The following MUC12 variants were observed in gnomAD, a reference collection of about 807,000 sequenced individuals.
MUC12 encodes the protein mucin 12, cell surface associated.
A neutral mutation model predicts 230.8 loss-of-function variants in MUC12; 172 were observed. The observed-to-expected ratio is 0.75, with a 90% CI of 0.66 to 0.85. The LOEUF (loss-of-function observed/expected upper bound fraction) is 0.85, where lower values mean the gene tolerates loss of function less well. Ranked by LOEUF, MUC12 falls within the 40% of genes least tolerant of loss-of-function variation. MUC12 has a pLI of 0.00. For synonymous variants in MUC12, 1,259 were observed against 2,401.9 expected (o/e 0.52, Z 13.91); for missense variants, 3,506 against 5,920.6 (o/e 0.59, Z 13.38).
chr7:100,972,299 T>C (rs75806374), intron 1 of MUC12: 42,566 of 676,508 alleles, frequency 0.063, 161 homozygotes, highest in Admixed American at 0.19. Flanking sequence ...TGGATTTGTG[T>C]CCTGCGCCCC....
chr7:100,992,434 C>A lies in MUC12; in HGVS notation c.1871C>A (p.Ser624Tyr), dbSNP rs1268347263. 7.2e-6 allele frequency: 11 copies of A among 1,537,886 alleles called. No homozygotes were observed. Among genetic ancestry groups the A allele is most frequent in the South Asian group, 1.2e-5 (1 of 84,072 alleles). ...CACACAACACTGTCCCCTGCCGGCT[C>A]TACAACCCGTCAGGGAGAATCTACC... ...SPHTTLSPAG[S>Y]TTRQGESTTF... Residue 624 changes from serine (S) to tyrosine (Y), a missense_variant, in exon 2 of 12, where the codon TCT (serine) becomes TAT (tyrosine). Coordinates refer to ENST00000536621, the MANE Select transcript of MUC12 (RefSeq NM_001164462.2).
At chr7:100,973,912 G>C (rs1792965880) in intron 1 of MUC12, among the ~76,000 whole-genome samples, 1 of 152,076 alleles carries the variant, frequency 6.6e-6, no homozygotes, top group Non-Finnish European at 1.5e-5. Context: ...CAGCACCTTG[G>C]GAGGCCAAGG....
intron 1 of MUC12, 105 bp from the exon 2 acceptor site, chr7:100,990,526 C>T: frequency 1.5e-6 from 2 of 1,370,936 alleles, no homozygotes; most frequent in Non-Finnish European, 2.0e-6. Context: ...ATACCATGGG[C>T]TGACCAGGTG....
intron 1 of MUC12, among the ~76,000 whole-genome samples, chr7:100,981,006 C>T (rs1319193720): frequency 2.0e-5 from 3 of 152,146 alleles, no homozygotes; most frequent in African/African-American, 7.2e-5. Flanking sequence ...AAGTCAACAT[C>T]ACATGAAAAG....
rs370247484 is a variant in MUC12, at chr7:100,995,427, A to G, written c.4864A>G (p.Ser1622Gly). ...GSTDTTLSPG[S>G]TTASSLGPES... is the part of the protein sequence containing the mutation. Reference sequence around the variant, plus strand: ...CACAGACACAACATTGTCCCCTGGCAGTACCACAGCATCATCCCTTGGTCC... The same window carrying G: ...CACAGACACAACATTGTCCCCTGGCGGTACCACAGCATCATCCCTTGGTCC... The change falls in exon 2 of 12, where the codon AGT becomes GGT. Residue 1622 changes from serine (S) to glycine (G), a missense_variant. By Grantham distance (56) the Ser-to-Gly change is moderately conservative. Transcript: ENST00000536621. 275 of 1,534,188 alleles carry G rather than the reference A, an allele frequency of 1.8e-4. No individual in the cohort carries two copies. The Middle Eastern group carries it at 3.2e-3, about 18-fold the overall frequency.
Position 100,990,702 on chromosome 7 carries a change from A to C in MUC12, c.139A>C (p.Thr47Pro). The change falls in exon 2 of 12, where the codon ACC becomes CCC. Residue 47 changes from threonine (T) to proline (P), a missense_variant. Transcript: ENST00000536621. ...ASTPSSSDPFTTFSDYGVSVT... is the reference protein window; with the variant it reads ...ASTPSSSDPFPTFSDYGVSVT... ...CACACCCAGTTCAAGCGACCCTTTTACCACCTTTAGTGACTATGGGGTGTC... is the reference window on the plus strand; with the variant it reads ...CACACCCAGTTCAAGCGACCCTTTTCCCACCTTTAGTGACTATGGGGTGTC... 6.5e-7 allele frequency: 1 copy of C among 1,537,880 alleles called. No individual in the cohort carries two copies. The highest frequency in any genetic ancestry group is 8.7e-7 in the Non-Finnish European group (1 of 1,147,042).
chr7:100,987,060 G>GTTTGT (rs1793200702), intron 1 of MUC12, among the ~76,000 whole-genome samples: 1 of 91,328 alleles, frequency 1.1e-5, no homozygotes, highest in African/African-American at 4.5e-5. Flanking sequence ...CAAGATAATG[G>GTTTGT]TTTTTTTTTT....
Position 101,004,824 on chromosome 7 carries a change from C to T in MUC12, c.14261C>T (p.Pro4754Leu), listed in dbSNP as rs1439983525. 3 of 1,537,022 alleles carry T rather than the reference C, an allele frequency of 2.0e-6. No individual in the cohort carries two copies. Among genetic ancestry groups the T allele is most frequent in the Non-Finnish European group, 2.6e-6 (3 of 1,146,508 alleles). ...AGATCACCAGACCAAACACTCTCAC[C>T]TGCCAGCATGACAAGCTCCAGCATC... is the stretch of plus-strand genomic sequence containing the variant. ...SSRSPDQTLS[P>L]ASMTSSSISG... Residue 4754 changes from proline (P) to leucine (L), a missense_variant, in exon 2 of 12, where the codon CCT becomes CTT. Coordinates refer to ENST00000536621, the MANE Select transcript of MUC12 (RefSeq NM_001164462.2).
At position 101,004,962 on chromosome 7, in the gene MUC12, A is replaced by T. The variant is rs747266160; in HGVS notation, c.14399A>T (p.Lys4800Met). 10 of 1,537,592 alleles carry T rather than the reference A, an allele frequency of 6.5e-6. No homozygotes were observed. In the East Asian group the frequency reaches 2.4e-4, roughly 38 times the overall value. ...LSQESTTFHS[K>M]PGSTETTLSP... ...CAGGAATCAACAACTTTCCACAGTA[A>T]GCCAGGCTCAACTGAGACAACACTG... Residue 4800 changes from lysine to methionine, a missense_variant, in exon 2 of 12, where the codon AAG (lysine) becomes ATG (methionine). Coordinates refer to ENST00000536621, the MANE Select transcript of MUC12 (RefSeq NM_001164462.2).
intron 1 of MUC12, chr7:100,972,170 C>T (rs1792915922): frequency 8.5e-6 from 6 of 703,190 alleles, no homozygotes; most frequent in Non-Finnish European, 1.6e-5. Context: ...ATATAATTCT[C>T]ATGAGGAGAT....
chr7:100,982,357 G>T (rs1793121596), intron 1 of MUC12, among the ~76,000 whole-genome samples: 1 of 151,982 alleles, frequency 6.6e-6, no homozygotes, highest in African/African-American at 2.4e-5. Flanking sequence ...GTGTTCTTCT[G>T]CCCTGAAAAC....
intron 10 of MUC12, 53 bp from the exon 11 acceptor site, chr7:101,017,522 C>T (rs920995060): frequency 3.4e-6 from 4 of 1,174,328 alleles, no homozygotes; most frequent in African/African-American, 1.5e-5. Flanking sequence ...CCTCTGCCCC[C>T]TAGTCCTCCC....
Position 100,991,075 on chromosome 7 carries a change from G to C in MUC12, c.512G>C (p.Arg171Pro). 1 of 1,537,582 alleles carries C rather than the reference G, an allele frequency of 6.5e-7. No individual in the cohort carries two copies. The highest frequency in any genetic ancestry group is 8.7e-7 in the Non-Finnish European group (1 of 1,146,994). The change falls in exon 2 of 12, where the codon CGA (arginine) becomes CCA (proline). Residue 171 changes from arginine to proline, a missense_variant. By Grantham distance (103) the Arg-to-Pro change is moderately radical (BLOSUM62 -2). Coordinates refer to ENST00000536621, the MANE Select transcript of MUC12 (RefSeq NM_001164462.2). ...VSEKSTTSHS[R>P]PGPTHTIAFP... ...GAAAAATCAACCACCTCCCACAGCC[G>C]ACCAGGCCCAACGCACACAATAGCG... is the stretch of plus-strand genomic sequence containing the variant.
Position 100,995,592 on chromosome 7 carries a change from G to T in MUC12, c.5029G>T (p.Ala1677Ser), listed in dbSNP as rs1233090609. The T allele has an allele frequency of 6.5e-7, 1 of 1,536,808 alleles. No homozygotes were observed. The highest frequency in any genetic ancestry group is 1.2e-5 in the South Asian group (1 of 84,044). Reference protein sequence around the residue: ...TGSPHTTLSPAGSTTRQGEST... With the variant: ...TGSPHTTLSPSGSTTRQGEST... ...ATCGCCACACACAACACTGTCCCCTGCCGGCTCTACAACACGTCAGGGAGA... is the reference window on the plus strand; with the variant it reads ...ATCGCCACACACAACACTGTCCCCTTCCGGCTCTACAACACGTCAGGGAGA... Residue 1677 changes from alanine (A) to serine (S), a missense_variant, in exon 2 of 12, where the codon GCC (alanine) becomes TCC (serine). Ala to Ser is a moderately conservative substitution (Grantham distance 99, BLOSUM62 1). Coordinates refer to ENST00000536621, the MANE Select transcript of MUC12 (RefSeq NM_001164462.2).
intron 1 of MUC12, among the ~76,000 whole-genome samples, chr7:100,971,284 C>T (rs1442693913): frequency 2.6e-5 from 4 of 152,418 alleles, no homozygotes; most frequent in Non-Finnish European, 2.9e-5. Flanking sequence ...GACTCTGACC[C>T]GCTGATTTCC....
At chr7:100,989,333 C>G (rs1387342101) in intron 1 of MUC12, among the ~76,000 whole-genome samples, 1 of 152,094 alleles carries the variant, frequency 6.6e-6, no homozygotes, top group African/African-American at 2.4e-5. Context: ...ATCTCGAACT[C>G]CTGACCTCAA....
In MUC12 at chr7:101,018,707, C is replaced by G; in HGVS notation, c.*71C>G. ...TGCAAACACAGAGCCCACCACAAGCCTCCGGGGCGGGTCAAGAGGAGACCG... is the reference window on the plus strand; with the variant it reads ...TGCAAACACAGAGCCCACCACAAGCGTCCGGGGCGGGTCAAGAGGAGACCG... On this transcript the variant is annotated 3_prime_UTR_variant, in exon 12 of 12. Coordinates refer to ENST00000536621, the MANE Select transcript of MUC12 (RefSeq NM_001164462.2). The G allele has an allele frequency of 6.8e-7, 1 of 1,464,010 alleles. No homozygotes were observed. The highest frequency in any genetic ancestry group is 1.3e-5 in the South Asian group (1 of 77,600). 90.7% of individuals were successfully genotyped at this position (1,464,010 alleles called of 1,614,324 possible).
chr7:100,988,134 C>G (rs1317910277), intron 1 of MUC12, among the ~76,000 whole-genome samples: 1 of 151,328 alleles, frequency 6.6e-6, no homozygotes, highest in Non-Finnish European at 1.5e-5. Flanking sequence ...ACTGTCTCTA[C>G]TAAAAATACA....
chr7:100,990,806 A>C lies in MUC12; in HGVS notation c.243A>C (p.Ser81=), dbSNP rs1046514142. ...SSTNSGHSEE[S]TVSHSGPGAT... The stretch of plus-strand genomic sequence containing the variant: ...CAAACTCAGGCCACAGTGAGGAATC[A>C]ACAGTATCCCACAGCGGCCCAGGTG... Residue 81 remains serine (S), a synonymous_variant, in exon 2 of 12, where the codon TCA becomes TCC. Coordinates refer to ENST00000536621, the MANE Select transcript of MUC12 (RefSeq NM_001164462.2). 3 of 1,537,692 alleles carry C rather than the reference A, an allele frequency of 2.0e-6. No individual in the cohort carries two copies. The highest frequency in any genetic ancestry group is 2.6e-6 in the Non-Finnish European group (3 of 1,147,034).
Sources: allele counts gnomAD v4.1 joint callset (sites outside exome capture counted in the v4.1 genomes callset), GRCh38; gene constraint gnomAD v4.1.1; transcripts MANE v1.5; gene names NCBI Gene and HGNC (gene_info 2026-07-23, HGNC 2026-07-21).